The following PRKCH variants were observed in gnomAD, a reference collection of about 807,000 sequenced individuals.
The protein encoded by PRKCH is protein kinase C eta type.
A neutral mutation model predicts 82.5 loss-of-function variants in PRKCH; 28 were observed. That is an observed-to-expected ratio of 0.34 (90% confidence interval 0.25 to 0.47). PRKCH has a LOEUF of 0.47. Ranked by LOEUF, PRKCH falls within the 20% of genes least tolerant of loss-of-function variation. The probability of loss-of-function intolerance (pLI) is 1.00; values close to 1 mark genes in which losing one functional copy is unlikely to be tolerated. For missense variants in PRKCH, 705 were observed against 881.8 expected (o/e 0.80, Z 2.54); for synonymous variants, 322 against 327.4 (o/e 0.98, Z 0.18).
At chr14:61,443,677 A>G (rs1490994700) in intron 3 of PRKCH, among the ~76,000 whole-genome samples, 1 of 152,246 alleles carries the variant, frequency 6.6e-6, no homozygotes, top group Admixed American at 6.5e-5. Context: ...AGAAAACTAA[A>G]CACAAAGTAG....
chr14:61,514,486 G>A (rs2042793399), intron 10 of PRKCH, among the ~76,000 whole-genome samples: 2 of 152,068 alleles, frequency 1.3e-5, no homozygotes, highest in South Asian at 4.1e-4. Flanking sequence ...AGAGTATGCT[G>A]TCCTGGTCTT....
rs963208398 is a variant in PRKCH, at chr14:61,314,687, C to G, written c.-19+127019C>G. ...TCGAAGGCTCTTCTTTTGGGGAAAC[C>G]TGAGGAAGGGCGAGAAGCTCTCCCT... On this transcript the variant is annotated intron_variant, in intron 1 of 3. Coordinates refer to the PRKCH transcript ENST00000555185. 5.9e-5 allele frequency among the ~76,000 whole-genome samples: 9 copies of G among 152,224 alleles called. No homozygotes were observed. In the South Asian group the frequency reaches 6.2e-4, roughly 11 times the overall value.
At chr14:61,270,793 C>A (rs2045144824) in intron 1 of PRKCH, among the ~76,000 whole-genome samples, 1 of 152,130 alleles carries the variant, frequency 6.6e-6, no homozygotes, top group Admixed American at 6.5e-5. Context: ...GCCCACATAG[C>A]AAGACCCTGT....
chr14:61,530,268 A>G, intron 11 of PRKCH, 139 bp from the exon 12 acceptor site: 1 of 944,084 alleles, frequency 1.1e-6, no homozygotes, highest in Non-Finnish European at 1.5e-6. Context: ...TAGAAATGGA[A>G]TGAAATACGC....
chr14:61,417,782 T>C (rs139115361), intron 2 of PRKCH, among the ~76,000 whole-genome samples: 91 of 152,328 alleles, frequency 6.0e-4, no homozygotes, highest in African/African-American at 1.6e-3. Context: ...TGTAGTGTGA[T>C]TGAATCTCTA....
chr14:61,433,052 A>AAAAAAAAAAAAAAAAAAAAC (rs1012843573), intron 2 of PRKCH, among the ~76,000 whole-genome samples: 1 of 149,740 alleles, frequency 6.7e-6, no homozygotes, highest in African/African-American at 2.5e-5. Context: ...TCAAAAAAAA[A>AAAAAAAAAAAAAAAAAAAAC]AAAAAAAAAC....
At chr14:61,263,991 C>T (rs2045074116) in intron 1 of PRKCH, among the ~76,000 whole-genome samples, 1 of 151,874 alleles carries the variant, frequency 6.6e-6, no homozygotes, top group African/African-American at 2.4e-5. Context: ...AGGGCAAATA[C>T]ATGGGCATTG....
At chr14:61,290,805 T>TA (rs199501558) in intron 1 of PRKCH, among the ~76,000 whole-genome samples, 3 of 150,878 alleles carry the variant, frequency 2.0e-5, no homozygotes, top group Non-Finnish European at 3.0e-5. Flanking sequence ...TAGGGTTGCT[T>TA]AAAAAAAAAG....
chr14:61,352,075 C>T (rs1317606963), intron 1 of PRKCH, among the ~76,000 whole-genome samples: 1 of 152,042 alleles, frequency 6.6e-6, no homozygotes, highest in Non-Finnish European at 1.5e-5. Flanking sequence ...CAACTTGAAC[C>T]CCTGGGTTCT....
chr14:61,459,889 A>C (rs1007289456), intron 9 of PRKCH, among the ~76,000 whole-genome samples: 2 of 152,222 alleles, frequency 1.3e-5, no homozygotes, highest in African/African-American at 4.8e-5. Context: ...CTTTGTCACC[A>C]GGCTGGAGTG....
chr14:61,286,784 A>C (rs559782949), intron 1 of PRKCH, among the ~76,000 whole-genome samples: 1 of 152,178 alleles, frequency 6.6e-6, no homozygotes, highest in South Asian at 2.1e-4. Context: ...CTCAAAAAAA[A>C]AGAGGGTGAA....
At chr14:61,291,730 C>T (rs1185444546) in intron 1 of PRKCH, among the ~76,000 whole-genome samples, 1 of 152,158 alleles carries the variant, frequency 6.6e-6, no homozygotes, top group Non-Finnish European at 1.5e-5. Flanking sequence ...TTGGAGTAAA[C>T]ACTGTATCTA....
Position 61,282,270 on chromosome 14 carries a change from C to CT in PRKCH, c.-19+94620dup, listed in dbSNP as rs10719485. Reference sequence around the variant, plus strand: ...CTCCCTATGTTGCCTGGGATTCTGGCTTTTTTTTTTTTTTTTTTAAATCTA... The same window carrying CT: ...CTCCCTATGTTGCCTGGGATTCTGGCTTTTTTTTTTTTTTTTTTTAAATCTA... On this transcript the variant is annotated intron_variant, in intron 1 of 3. Transcript: ENST00000555185. Among the ~76,000 whole-genome samples, 501 of 129,342 alleles carry CT rather than the reference C, an allele frequency of 3.9e-3. 2 individuals carry two copies. The highest frequency in any genetic ancestry group is 8.4e-3 in the Middle Eastern group (2 of 238). 84.9% of individuals were successfully genotyped at this position (129,342 alleles called of 152,430 possible). A position where few individuals can be genotyped will look rare whatever the true frequency, so the allele number is the denominator to read the frequency against.
rs74369734 is a variant in PRKCH, at chr14:61,466,691, C to T, written c.1278+9012C>T. 1.9e-4 allele frequency among the ~76,000 whole-genome samples: 29 copies of T among 152,188 alleles called. 1 individual carries two copies. In the South Asian group the frequency reaches 6.0e-3, roughly 32 times the overall value. ...CCTGGGACTGGGTGAGAGGGCTGAG[C>T]GAAGTACTCCTCATTGTTTTGGGAA... is the stretch of plus-strand genomic sequence containing the variant. On this transcript the variant is annotated intron_variant, in intron 9 of 13. Transcript: ENST00000332981.
At chr14:61,544,886 A>T (rs2043233804) in intron 12 of PRKCH, among the ~76,000 whole-genome samples, 1 of 152,212 alleles carries the variant, frequency 6.6e-6, no homozygotes, top group Non-Finnish European at 1.5e-5. Context: ...GATTGTGTTT[A>T]TTCTTCCACG....
At chr14:61,427,822 G>C (rs548581677) in intron 2 of PRKCH, among the ~76,000 whole-genome samples, 1 of 152,122 alleles carries the variant, frequency 6.6e-6, no homozygotes, top group South Asian at 2.1e-4. Context: ...CTGGGCTCAA[G>C]TGATCCACCT....
intron 6 of PRKCH, among the ~76,000 whole-genome samples, chr14:61,451,648 G>A (rs1427791188): frequency 6.6e-6 from 1 of 152,232 alleles, no homozygotes; most frequent in East Asian, 1.9e-4. Flanking sequence ...TCCCTGTCCT[G>A]TTAGGAGTTA....
In PRKCH at chr14:61,399,645, A is replaced by G. The variant is rs72728032; in HGVS notation, c.427+8357A>G. Among the ~76,000 whole-genome samples, 814 of 152,320 alleles carry G rather than the reference A, an allele frequency of 5.3e-3. 5 individuals are homozygous for G. The highest frequency in any genetic ancestry group is 7.8e-3 in the Non-Finnish European group (531 of 68,024). ...TATCTCCTACTAATAATTACATAAC[A>G]TTTTGCAGTTGCGAAGTTTAATTTT... On this transcript the variant is annotated intron_variant, in intron 2 of 13. Coordinates refer to ENST00000332981, the MANE Select transcript of PRKCH (RefSeq NM_006255.5).
intron 2 of PRKCH, among the ~76,000 whole-genome samples, chr14:61,395,757 G>A (rs753661517): frequency 6.6e-6 from 1 of 152,136 alleles, no homozygotes; most frequent in Non-Finnish European, 1.5e-5. Flanking sequence ...GGACCATCTT[G>A]TATACTCAGC....
Sources: allele counts gnomAD v4.1 joint callset (sites outside exome capture counted in the v4.1 genomes callset), GRCh38; gene constraint gnomAD v4.1.1; transcripts MANE v1.5; gene names NCBI Gene and HGNC (gene_info 2026-07-23, HGNC 2026-07-21).